Variants in PPP6R2 observed in about 807,000 individuals in gnomAD.
PPP6R2 encodes serine/threonine-protein phosphatase 6 regulatory subunit 2.
In PPP6R2, 62 loss-of-function variants were observed where a neutral mutation model predicts 100.2. The ratio of observed to expected loss-of-function variants is 0.62; its 90% confidence interval spans 0.50 to 0.76. The LOEUF is 0.76. Ranked by LOEUF, PPP6R2 falls within the 30% of genes least tolerant of loss-of-function variation. The probability of loss-of-function intolerance (pLI) is 0.00; values close to 1 mark genes in which losing one functional copy is unlikely to be tolerated. For missense variants in PPP6R2, 1,142 were observed against 1,276.3 expected, an observed-to-expected ratio of 0.89 and a Z score of 1.60; for synonymous variants, 525 against 514.7, an observed-to-expected ratio of 1.02 and a Z score of -0.27.
chr22:50,341,077 AT>A (rs2042364800), upstream of PPP6R2, among the ~76,000 whole-genome samples: 1 of 151,100 alleles, frequency 6.6e-6, no homozygotes, highest in South Asian at 2.1e-4. Flanking sequence ...CGCCTGGTTA[AT>A]TTTTTATATG....
At position 50,418,863 on chromosome 22, in the gene PPP6R2, T is replaced by C; in HGVS notation, c.619-4T>C. 6.2e-7 allele frequency: 1 copy of C among 1,608,754 alleles called. No homozygotes were observed. The highest frequency in any genetic ancestry group is 8.5e-7 in the Non-Finnish European group (1 of 1,175,180). ...GGGACTCTGTGTTTCCCTTGTCTTT[T>C]CAGAGGCAGTCAAATGCTTCTCAGA... is the stretch of plus-strand genomic sequence containing the variant. On this transcript the variant is annotated splice_polypyrimidine_tract_variant and splice_region_variant and intron_variant, in intron 6 of 23. Coordinates refer to ENST00000612753, the MANE Select transcript of PPP6R2 (RefSeq NM_001242898.2).
At chr22:50,380,231 C>CTT (rs57158964) in intron 2 of PPP6R2, among the ~76,000 whole-genome samples, 1,485 of 142,684 alleles carry the variant, frequency 0.01, 11 homozygotes, top group East Asian at 0.023. Context: ...CAGTCTTTTT[C>CTT]TTTTTTTTTT....
chr22:50,354,787 GACTCTCTCTCGTACACGTACAT>G lies in PPP6R2; in HGVS notation c.-148+11240_-148+11261del, dbSNP rs1457821661. Among the ~76,000 whole-genome samples, 4 of 151,910 alleles carry G rather than the reference GACTCTCTCTCGTACACGTACAT, an allele frequency of 2.6e-5. No homozygotes were observed. The East Asian group carries it at 7.7e-4, about 29-fold the overall frequency. ...TGCACTCCAGCCTGGATGACAGTGA[GACTCTCTCTCGTACACGTACAT>G]ACAAATCTGTAACTGGTTGTGATCA... On this transcript the variant is annotated intron_variant, in intron 1 of 23. Transcript: ENST00000612753.
chr22:50,337,010 G>T, the PPP6R2 span, among the ~76,000 whole-genome samples: 2 of 152,192 alleles, frequency 1.3e-5, no homozygotes, highest in African/African-American at 4.8e-5. Context: ...AACTTTCCCT[G>T]TTGAAATCAT....
chr22:50,354,766 C>T (rs1190490550), intron 1 of PPP6R2, among the ~76,000 whole-genome samples: 2 of 152,030 alleles, frequency 1.3e-5, no homozygotes, highest in African/African-American at 4.8e-5. Flanking sequence ...TGCTACTGCA[C>T]TCCAGCCTGG....
At chr22:50,419,559 T>A in intron 8 of PPP6R2, 97 bp downstream of exon 8, 1 of 839,104 alleles carries the variant, frequency 1.2e-6, no homozygotes, top group Non-Finnish European at 1.9e-6. Context: ...TTTGTGGTTT[T>A]AATTTTTGAT....
rs1569482890 is a variant in PPP6R2, at chr22:50,431,392, A to C, written c.1335+10A>C. The C allele has an allele frequency of 1.2e-6, 2 of 1,610,024 alleles. No homozygotes were observed. The highest frequency in any genetic ancestry group is 2.2e-5 in the South Asian group (2 of 91,008). On this transcript the variant is annotated intron_variant, in intron 11 of 23. Transcript: ENST00000612753. This position sits in a 1 kb window ranked among gnomAD's most constrained non-coding sequence, Gnocchi z 4.8. ...CACAATGGTGACCCACGTGAGTCCA[A>C]GAAGCATCCATCTTATCAGCGCCAA...
chr22:50,432,191 G>A (rs2076712), intron 11 of PPP6R2, 74 bp from the exon 12 acceptor site: 1 of 1,384,290 alleles, frequency 7.2e-7, no homozygotes, highest in Non-Finnish European at 1.0e-6. Flanking sequence ...GCCCTGCCCA[G>A]TCCAGGGATG....
chr22:50,438,087 C>T, intron 17 of PPP6R2, 87 bp from the exon 18 acceptor site: 2 of 1,538,530 alleles, frequency 1.3e-6, no homozygotes, highest in Non-Finnish European at 1.8e-6. Flanking sequence ...ACATCCCGAA[C>T]TAAGCCCCTC....
At chr22:50,415,042 G>A (rs991993925) in intron 5 of PPP6R2, among the ~76,000 whole-genome samples, 2 of 152,226 alleles carry the variant, frequency 1.3e-5, no homozygotes, top group Non-Finnish European at 2.9e-5. Context: ...CTAGCCCTGC[G>A]TCCAGGCCTG....
At chr22:50,387,310 G>T (rs2148766570) in intron 2 of PPP6R2, among the ~76,000 whole-genome samples, 1 of 152,244 alleles carries the variant, frequency 6.6e-6, no homozygotes, top group East Asian at 1.9e-4. Context: ...GTGACCCTCA[G>T]CCTCAGCCTC....
chr22:50,435,936 G>T (rs2064141993), intron 13 of PPP6R2, among the ~76,000 whole-genome samples: 1 of 152,328 alleles, frequency 6.6e-6, no homozygotes, highest in East Asian at 1.9e-4. Flanking sequence ...GGAAAAACAG[G>T]CAGGACACGC....
chr22:50,419,583 A>G (rs1027940425), intron 8 of PPP6R2, 121 bp downstream of exon 8: 18 of 700,946 alleles, frequency 2.6e-5, no homozygotes, highest in African/African-American at 2.5e-4. Context: ...GCAAGTAACA[A>G]CATGGATAGA....
chr22:50,350,634 A>C (rs1455731186), intron 1 of PPP6R2, among the ~76,000 whole-genome samples: 1 of 151,762 alleles, frequency 6.6e-6, no homozygotes, highest in African/African-American at 2.4e-5. Flanking sequence ...TCACGAGGTC[A>C]GGAGATCGAG....
In PPP6R2 at chr22:50,442,235, C is replaced by T. The variant is rs145063184; in HGVS notation, c.2579+1209C>T. Among the ~76,000 whole-genome samples, 420 of 152,314 alleles carry T rather than the reference C, an allele frequency of 2.8e-3. 2 individuals carry two copies. Among genetic ancestry groups the T allele is most frequent in the African/African-American group, 8.7e-3 (360 of 41,566 alleles). ...TCAGAGGGTCCTGCTCACTGACCCC[C>T]GGCAATCCTGGAGAGTCTGTGTGGT... On this transcript the variant is annotated intron_variant, in intron 22 of 23. Coordinates refer to ENST00000612753, the MANE Select transcript of PPP6R2 (RefSeq NM_001242898.2).
intron 1 of PPP6R2, among the ~76,000 whole-genome samples, chr22:50,367,854 C>G (rs986299880): frequency 1.3e-5 from 2 of 152,230 alleles, no homozygotes; most frequent in South Asian, 2.1e-4. Flanking sequence ...TGGGGGACCA[C>G]TACTACCAAG....
At chr22:50,393,311 G>T in intron 2 of PPP6R2, 6 of 836,312 alleles carry the variant, frequency 7.2e-6, no homozygotes, top group Non-Finnish European at 8.6e-6. Context: ...GGTGGCTGGG[G>T]GAGGCAGAGG....
intron 3 of PPP6R2, among the ~76,000 whole-genome samples, chr22:50,400,985 CT>C (rs1367373630): frequency 2.0e-5 from 3 of 151,932 alleles, no homozygotes; most frequent in African/African-American, 7.3e-5. Flanking sequence ...TGTACTTTGC[CT>C]TTTTGGCCTA....
upstream of PPP6R2, among the ~76,000 whole-genome samples, chr22:50,338,419 TA>T (rs2042327709): frequency 7.6e-6 from 1 of 131,618 alleles, no homozygotes; most frequent in African/African-American, 3.1e-5. Flanking sequence ...TATGTGTGTG[TA>T]GGGTGTGTGG....
Sources: gnomAD v4.1 joint callset for allele counts (sites outside exome capture counted in the v4.1 genomes callset) on GRCh38, gnomAD v4.1.1 for gene constraint, Gnocchi (gnomAD v3.1) non-coding constraint, MANE v1.5 for transcripts, NCBI Gene and HGNC (gene_info 2026-07-23, HGNC 2026-07-21) for gene names.